The following CADM2 variants were observed in gnomAD, a reference collection of about 807,000 sequenced individuals.
CADM2 encodes cell adhesion molecule 2.
In CADM2, 12 loss-of-function variants were observed where a neutral mutation model predicts 49.8. That is an observed-to-expected ratio of 0.24 (90% confidence interval 0.15 to 0.39). The LOEUF (loss-of-function observed/expected upper bound fraction) is 0.39, where lower values mean the gene tolerates loss of function less well. Among genes scored for constraint, CADM2 ranks in the 10% least tolerant of loss-of-function variants. The pLI is 1.00. For synonymous variants in CADM2, 214 were observed against 175.4 expected, an observed-to-expected ratio of 1.22 and a Z score of -1.74; for missense variants, 378 against 492.3, an observed-to-expected ratio of 0.77 and a Z score of 2.20.
Position 85,802,207 on chromosome 3 carries a change from T to A in CADM2, c.238+11T>A, listed in dbSNP as rs752941658. 1 of 1,599,144 alleles carries A rather than the reference T, an allele frequency of 6.3e-7. No homozygotes were observed. Among genetic ancestry groups the A allele is most frequent in the Non-Finnish European group, 8.5e-7 (1 of 1,172,964 alleles). On this transcript the variant is annotated intron_variant, in intron 3 of 9. Transcript: ENST00000383699. ...TTGACGACAAGAAAGGTGAATACAT[T>A]TTCTTTCAAATGTTTTAATCGTATT...
intron 1 of CADM2, among the ~76,000 whole-genome samples, chr3:85,450,725 T>C (rs2037713872): frequency 6.6e-6 from 1 of 152,062 alleles, no homozygotes; most frequent in Admixed American, 6.6e-5. Flanking sequence ...TCATGTTTTA[T>C]AAACAAATTA....
chr3:85,708,445 G>T (rs888012567), intron 1 of CADM2, among the ~76,000 whole-genome samples: 2 of 151,970 alleles, frequency 1.3e-5, no homozygotes, highest in Non-Finnish European at 2.9e-5. Context: ...TCAACAAGCC[G>T]CAGTCTTTAG....
intron 8 of CADM2, chr3:85,994,022 C>G (rs892724176): frequency 2.0e-5 from 3 of 152,192 alleles, no homozygotes; most frequent in Admixed American, 2.0e-4. Context: ...GCAAGTCAAT[C>G]TGTTCTTAGA....
intron 1 of CADM2, among the ~76,000 whole-genome samples, chr3:85,272,097 A>G (rs1421732399): frequency 6.6e-6 from 1 of 151,306 alleles, no homozygotes; most frequent in Admixed American, 6.6e-5. Context: ...GATAAAAAAA[A>G]AAGGGTTTGC....
chr3:85,878,221 A>G (rs1712208471), intron 3 of CADM2, among the ~76,000 whole-genome samples: 1 of 152,108 alleles, frequency 6.6e-6, no homozygotes, highest in Non-Finnish European at 1.5e-5. Context: ...ATATATTCAT[A>G]TATTTCAGTT....
At chr3:86,052,980 GGT>G (rs978120501) in intron 8 of CADM2, among the ~76,000 whole-genome samples, 1 of 151,970 alleles carries the variant, frequency 6.6e-6, no homozygotes, top group African/African-American at 2.4e-5. Flanking sequence ...ATGATAATAA[GGT>G]CATAGCAGCT....
At chr3:85,778,498 T>A (rs1208672728) in intron 2 of CADM2, among the ~76,000 whole-genome samples, 1 of 152,076 alleles carries the variant, frequency 6.6e-6, no homozygotes, top group Non-Finnish European at 1.5e-5. Flanking sequence ...GCACGAGATC[T>A]GATGGATTTA....
intron 1 of CADM2, among the ~76,000 whole-genome samples, chr3:85,210,355 G>T (rs2041748059): frequency 6.6e-6 from 1 of 152,008 alleles, no homozygotes; most frequent in Non-Finnish European, 1.5e-5. Context: ...CTTTTTACTG[G>T]TTTGTTGAAC....
intron 5 of CADM2, 49 bp downstream of exon 5, chr3:85,886,376 T>G (rs1171802799): frequency 7.1e-7 from 1 of 1,412,558 alleles, no homozygotes; most frequent in Non-Finnish European, 9.9e-7. Flanking sequence ...GAAACCAGTA[T>G]GACATGTTAA....
chr3:85,557,597 A>G (rs4856277), intron 1 of CADM2, among the ~76,000 whole-genome samples: 77,675 of 151,700 alleles, frequency 0.51, 22,974 homozygotes, highest in East Asian at 0.85. Context: ...TTCATAAAGG[A>G]GATAAGTTCA....
intron 1 of CADM2, among the ~76,000 whole-genome samples, chr3:84,972,074 A>G (rs2031486264): frequency 6.6e-6 from 1 of 152,196 alleles, no homozygotes; most frequent in Admixed American, 6.5e-5. Flanking sequence ...TACAGCAGTA[A>G]GACATGATGG....
chr3:85,846,344 C>A (rs7629375), intron 3 of CADM2, among the ~76,000 whole-genome samples: 67,632 of 151,860 alleles, frequency 0.45, 15,801 homozygotes, highest in African/African-American at 0.57. Flanking sequence ...TACCCACTGT[C>A]CTCTAGAATG....
At chr3:86,051,786 T>C (rs1737370359) in intron 8 of CADM2, among the ~76,000 whole-genome samples, 1 of 152,028 alleles carries the variant, frequency 6.6e-6, no homozygotes, top group Non-Finnish European at 1.5e-5. Flanking sequence ...CAATCAGATC[T>C]CAGGAGAACT....
rs115675423 is a variant in CADM2, at chr3:85,755,733, G to A, written c.88+29185G>A. On this transcript the variant is annotated intron_variant, in intron 2 of 9. Coordinates refer to ENST00000383699, the MANE Select transcript of CADM2 (RefSeq NM_001167675.2). ...GGTGCTACACACTTTTAAACAGCCA[G>A]ATCTCCTGAGAACTCACTATCATGA... Among the ~76,000 whole-genome samples, 380 of 152,114 alleles carry A rather than the reference G, an allele frequency of 2.5e-3. 2 individuals carry two copies. Among genetic ancestry groups the A allele is most frequent in the African/African-American group, 8.8e-3 (364 of 41,510 alleles).
At chr3:85,662,008 A>T (rs2065423463) in intron 1 of CADM2, among the ~76,000 whole-genome samples, 1 of 152,008 alleles carries the variant, frequency 6.6e-6, no homozygotes, top group South Asian at 2.1e-4. Context: ...CCTTAATTCA[A>T]AAAAGATTTA....
intron 6 of CADM2, among the ~76,000 whole-genome samples, chr3:85,921,658 ATTG>A (rs1719132683): frequency 6.6e-6 from 1 of 152,048 alleles, no homozygotes; most frequent in Admixed American, 6.6e-5. Flanking sequence ...TTGATAGATT[ATTG>A]TTAAGTAAAG....
At chr3:85,951,942 G>A (rs1472507574) in intron 7 of CADM2, among the ~76,000 whole-genome samples, 1 of 150,934 alleles carries the variant, frequency 6.6e-6, no homozygotes, top group African/African-American at 2.4e-5. Context: ...CCTAAGACTG[G>A]CTAAGGAGGG....
intron 1 of CADM2, among the ~76,000 whole-genome samples, chr3:85,614,102 A>C (rs1040950458): frequency 6.6e-6 from 1 of 151,752 alleles, no homozygotes; most frequent in Non-Finnish European, 1.5e-5. Context: ...AAAGATAATA[A>C]TACACAGACA....
At chr3:85,977,912 C>T (rs1010493455) in intron 8 of CADM2, among the ~76,000 whole-genome samples, 2 of 151,442 alleles carry the variant, frequency 1.3e-5, no homozygotes, top group East Asian at 1.9e-4. Context: ...GAAAATTCAG[C>T]GGGTAGAGTC....
Sources: allele counts gnomAD v4.1 joint callset (sites outside exome capture counted in the v4.1 genomes callset), GRCh38; gene constraint gnomAD v4.1.1; transcripts MANE v1.5; gene names NCBI Gene and HGNC (gene_info 2026-07-23, HGNC 2026-07-21).